PTPRD: variants seen among roughly 807,000 people sequenced by gnomAD.
The protein encoded by PTPRD is receptor-type tyrosine-protein phosphatase delta.
PTPRD carries 34 observed loss-of-function variants against 214.5 expected under a neutral mutation model. That is an observed-to-expected ratio of 0.16 (90% CI 0.12 to 0.21). The LOEUF is 0.21. PTPRD is among the 10% of genes least tolerant of loss of function. The probability of loss-of-function intolerance (pLI) is 1.00; values close to 1 mark genes in which losing one functional copy is unlikely to be tolerated. For synonymous variants in PTPRD, 1,128 were observed against 845.7 expected (o/e 1.33, Z -5.79); for missense variants, 2,545 against 2,398.7 (o/e 1.06, Z -1.27).
At chr9:9,113,126 G>T (rs536006656) in intron 10 of PTPRD, among the ~76,000 whole-genome samples, 1 of 150,666 alleles carries the variant, frequency 6.6e-6, no homozygotes. Context: ...CACCATGCCC[G>T]GCTAATTAAA....
At chr9:10,567,411 A>G (rs1019377478) in intron 2 of PTPRD, among the ~76,000 whole-genome samples, 2 of 152,064 alleles carry the variant, frequency 1.3e-5, no homozygotes, top group South Asian at 2.1e-4. Flanking sequence ...TAAAACTTCT[A>G]TTTCCTTAAG....
At position 9,938,560 on chromosome 9, in the gene PTPRD, C is replaced by A. The variant is rs1034202433; in HGVS notation, c.-421G>T. 7 of 152,072 alleles carry A rather than the reference C, an allele frequency of 4.6e-5. No homozygotes were observed. Among genetic ancestry groups the A allele is most frequent in the Non-Finnish European group, 1.0e-4 (7 of 68,016 alleles). The allele number at this position is 152,072 out of a possible 1,614,324, so 9.4% of individuals were successfully genotyped here. On this transcript the variant is annotated 5_prime_UTR_variant, in exon 5 of 46. Coordinates refer to ENST00000381196, the MANE Select transcript of PTPRD (RefSeq NM_002839.4). ...GTGCCAACATGCTGTCAGTCAGACA[C>A]CTCTAACTGGAATATCACGGGCCAG...
At chr9:8,318,161 G>A (rs1823352240) in intron 45 of PTPRD, among the ~76,000 whole-genome samples, 1 of 151,824 alleles carries the variant, frequency 6.6e-6, no homozygotes, top group South Asian at 2.1e-4. Context: ...TGACTAAAAC[G>A]ATCTCCCAAT....
At chr9:9,958,845 G>A (rs533352798) in intron 4 of PTPRD, among the ~76,000 whole-genome samples, 10 of 152,248 alleles carry the variant, frequency 6.6e-5, no homozygotes, top group Non-Finnish European at 5.9e-5. Context: ...TATTAGAAGG[G>A]TGAAAACTAA....
At chr9:10,582,341 G>T (rs1186047589) in intron 2 of PTPRD, among the ~76,000 whole-genome samples, 1 of 151,948 alleles carries the variant, frequency 6.6e-6, no homozygotes, top group Non-Finnish European at 1.5e-5. Flanking sequence ...TATACTGTTG[G>T]TATTCTTTCC....
At chr9:10,171,673 C>T (rs1035879974) in intron 3 of PTPRD, among the ~76,000 whole-genome samples, 9 of 152,064 alleles carry the variant, frequency 5.9e-5, no homozygotes, top group Non-Finnish European at 1.0e-4. Context: ...CACAGGCGCC[C>T]GCTACCACGC....
chr9:8,586,074 G>C (rs1237245989), intron 14 of PTPRD, among the ~76,000 whole-genome samples: 1 of 152,170 alleles, frequency 6.6e-6, no homozygotes, highest in Non-Finnish European at 1.5e-5. Context: ...AACTGAGGTG[G>C]GCAGATAACA....
Position 10,212,186 on chromosome 9 carries a change from G to A in PTPRD, c.-545+128777C>T, listed in dbSNP as rs73398339. On this transcript the variant is annotated intron_variant, in intron 3 of 45. Transcript: ENST00000381196. ...TGACACTCACTTAATATGACCATAA[G>A]CCGTAAATCAAGTAGCCTTCTTAGA... is the stretch of plus-strand genomic sequence containing the variant. 3.8e-3 allele frequency among the ~76,000 whole-genome samples: 575 copies of A among 152,090 alleles called. 5 individuals are homozygous for A. Among genetic ancestry groups the A allele is most frequent in the African/African-American group, 0.013 (537 of 41,520 alleles).
chr9:9,128,800 C>T (rs1442762928), intron 10 of PTPRD, among the ~76,000 whole-genome samples: 1 of 152,192 alleles, frequency 6.6e-6, no homozygotes, highest in Non-Finnish European at 1.5e-5. Flanking sequence ...ACGCTGCCCA[C>T]AGCAGAGCAG....
At chr9:9,235,033 G>C (rs1205251006) in intron 9 of PTPRD, among the ~76,000 whole-genome samples, 1 of 152,112 alleles carries the variant, frequency 6.6e-6, no homozygotes, top group Admixed American at 6.6e-5. Flanking sequence ...CCTGAGACTG[G>C]GTAATTTATA....
intron 35 of PTPRD, among the ~76,000 whole-genome samples, chr9:8,417,976 G>A (rs1261281297): frequency 6.6e-6 from 1 of 152,086 alleles, no homozygotes; most frequent in Non-Finnish European, 1.5e-5. Context: ...GTCTACATTT[G>A]ACTTATTTTG....
intron 7 of PTPRD, among the ~76,000 whole-genome samples, chr9:9,708,053 G>C (rs2097658345): frequency 6.6e-6 from 1 of 151,932 alleles, no homozygotes; most frequent in South Asian, 2.1e-4. Flanking sequence ...CAAGAACAAA[G>C]AGACTTTCAA....
intron 5 of PTPRD, among the ~76,000 whole-genome samples, chr9:9,936,295 T>TA (rs2089372635): frequency 6.6e-6 from 1 of 151,168 alleles, no homozygotes; most frequent in Non-Finnish European, 1.5e-5. Context: ...ACAGGCAACC[T>TA]AAAAAATGGG....
At chr9:8,885,967 A>C (rs1253738410) in intron 11 of PTPRD, among the ~76,000 whole-genome samples, 3 of 152,226 alleles carry the variant, frequency 2.0e-5, no homozygotes, top group Non-Finnish European at 4.4e-5. Flanking sequence ...ACGACCTAGC[A>C]GATTTTTGAT....
chr9:9,054,720 G>C lies in PTPRD; in HGVS notation c.-142-35985C>G, dbSNP rs547994234. ...ACAAACATTCATTGATCATATACTG[G>C]TGTGTTTGCCATTGTTGTGTGATTT... On this transcript the variant is annotated intron_variant, in intron 10 of 45. Coordinates refer to ENST00000381196, the MANE Select transcript of PTPRD (RefSeq NM_002839.4). Among the ~76,000 whole-genome samples, 7 of 152,252 alleles carry C rather than the reference G, an allele frequency of 4.6e-5. No individual in the cohort carries two copies. In the East Asian group the frequency reaches 7.7e-4, roughly 17 times the overall value.
chr9:9,017,040 T>A (rs983682172), intron 11 of PTPRD, among the ~76,000 whole-genome samples: 1 of 152,056 alleles, frequency 6.6e-6, no homozygotes, highest in African/African-American at 2.4e-5. Flanking sequence ...AGTAGTGATG[T>A]GTATTATAGA....
At chr9:9,123,230 G>A (rs145878804) in intron 10 of PTPRD, among the ~76,000 whole-genome samples, 1 of 152,288 alleles carries the variant, frequency 6.6e-6, no homozygotes, top group Non-Finnish European at 1.5e-5. Context: ...TCTGTGCCAT[G>A]TCACTCCAAC....
chr9:10,054,942 A>G (rs975997578), intron 3 of PTPRD, among the ~76,000 whole-genome samples: 14 of 152,046 alleles, frequency 9.2e-5, no homozygotes, highest in Non-Finnish European at 1.8e-4. Flanking sequence ...AGACGATGTC[A>G]TGAGTGCTGG....
intron 5 of PTPRD, among the ~76,000 whole-genome samples, chr9:9,775,052 T>C (rs114471309): frequency 1.8e-3 from 268 of 152,286 alleles, no homozygotes; most frequent in African/African-American, 6.1e-3. Flanking sequence ...AAGTCCCTCA[T>C]TATTTCTGAG....
Sources: gnomAD v4.1 joint callset for allele counts (sites outside exome capture counted in the v4.1 genomes callset) on GRCh38, gnomAD v4.1.1 for gene constraint, MANE v1.5 for transcripts, NCBI Gene and HGNC (gene_info 2026-07-23, HGNC 2026-07-21) for gene names.